The following CFI variants were observed in gnomAD, a reference collection of about 807,000 sequenced individuals.
The protein encoded by CFI is complement factor I, also known as C3B/C4B inactivator.
Under a neutral mutation model 78.8 loss-of-function variants are expected in CFI, and 66 were observed. The ratio of observed to expected loss-of-function variants is 0.84; its 90% CI spans 0.69 to 1.03. CFI has a LOEUF of 1.03. CFI is among the 50% of genes least tolerant of loss of function. The pLI, the probability that CFI is intolerant of heterozygous loss-of-function variation, is 0.00. For missense variants in CFI, 706 were observed against 704.5 expected, an observed-to-expected ratio of 1.00 and a Z score of -0.02; for synonymous variants, 250 against 232.6, an observed-to-expected ratio of 1.07 and a Z score of -0.68.
chr4:109,758,683 A>G (rs570873408), intron 6 of CFI, among the ~76,000 whole-genome samples: 1 of 152,348 alleles, frequency 6.6e-6, no homozygotes, highest in Non-Finnish European at 1.5e-5. Context: ...ATTGTGGGGC[A>G]CTTTGAAATG....
At chr4:109,799,149 C>G (rs1732437644) in intron 1 of CFI, among the ~76,000 whole-genome samples, 2 of 152,280 alleles carry the variant, frequency 1.3e-5, no homozygotes, top group South Asian at 4.1e-4. Flanking sequence ...CACACAGGCA[C>G]TTTTGAATGC....
intron 1 of CFI, among the ~76,000 whole-genome samples, chr4:109,771,842 G>A (rs1165794568): frequency 6.6e-6 from 1 of 151,426 alleles, no homozygotes; most frequent in Non-Finnish European, 1.5e-5. Context: ...TTTTCATTAG[G>A]ATAAAAGGGA....
chr4:109,757,719 T>C (rs1726499802), intron 7 of CFI, 44 bp downstream of exon 7: 1 of 1,255,206 alleles, frequency 8.0e-7, no homozygotes, highest in Non-Finnish European at 1.1e-6. Context: ...ACCTGAGTTT[T>C]GTTTCAATTT....
chr4:109,737,703 G>A (rs1723449242), downstream of CFI, among the ~76,000 whole-genome samples: 2 of 152,222 alleles, frequency 1.3e-5, no homozygotes, highest in African/African-American at 4.8e-5. Context: ...GAGCAGTCCT[G>A]CAGTGTGGTC....
chr4:109,801,534 A>G (rs1732767518), intron 1 of CFI, among the ~76,000 whole-genome samples: 1 of 152,132 alleles, frequency 6.6e-6, no homozygotes, highest in Admixed American at 6.5e-5. Context: ...TCCCCTTTCT[A>G]TAACTATAGA....
chr4:109,797,691 A>G (rs1296469175), intron 1 of CFI, among the ~76,000 whole-genome samples: 1 of 152,224 alleles, frequency 6.6e-6, no homozygotes, highest in Admixed American at 6.5e-5. Context: ...TCTAAAATAC[A>G]TAGGGAATTC....
At chr4:109,774,616 G>C (rs1020659240) in intron 1 of CFI, among the ~76,000 whole-genome samples, 2 of 152,170 alleles carry the variant, frequency 1.3e-5, no homozygotes, top group Non-Finnish European at 1.5e-5. Flanking sequence ...CTACTGTAAA[G>C]ACTGGCTTAT....
chr4:109,756,909 G>T (rs1283735580), intron 7 of CFI, among the ~76,000 whole-genome samples: 1 of 77,146 alleles, frequency 1.3e-5, no homozygotes, highest in African/African-American at 4.9e-5. Context: ...AAGAAAGAAA[G>T]AAAGAAAGAA....
At chr4:109,762,003 A>G (rs1727135485) in intron 3 of CFI, 1 of 331,208 alleles carries the variant, frequency 3.0e-6, no homozygotes, top group Non-Finnish European at 5.8e-6. Flanking sequence ...CAGCCTGGCC[A>G]ATATGGTGAA....
chr4:109,765,603 C>T lies in CFI; in HGVS notation c.329-913G>A, dbSNP rs184950349. Among the ~76,000 whole-genome samples the T allele has an allele frequency of 5.9e-5, 9 of 152,248 alleles. No individual in the cohort carries two copies. The East Asian group carries it at 1.7e-3, about 29-fold the overall frequency. ...AACTCAATTGGACTGACAGCGAAAT[C>T]CCTAATCATAACTACCCACTAGTCT... On this transcript the variant is annotated intron_variant, in intron 2 of 12. Coordinates refer to ENST00000394634, the MANE Select transcript of CFI (RefSeq NM_000204.5).
chr4:109,787,897 CAGAG>C (rs539955109), intron 1 of CFI, among the ~76,000 whole-genome samples: 246 of 151,962 alleles, frequency 1.6e-3, no homozygotes, highest in African/African-American at 5.6e-3. Flanking sequence ...GAATAGGAAA[CAGAG>C]AGAATTGTTC....
chr4:109,746,654 A>T, intron 10 of CFI, 152 bp from the exon 11 acceptor site: 1 of 666,202 alleles, frequency 1.5e-6, no homozygotes, highest in Non-Finnish European at 2.5e-6. Flanking sequence ...ATGAGATTAA[A>T]TTTACTTAGT....
rs1420970059 is a variant in CFI, at chr4:109,761,578, A to G, written c.597T>C (p.Thr199=). The part of the protein sequence containing the change: ...LETSLAECTF[T]KRRTMGYQDF... ...CCTGGTAACCCATAGTTCTTCTCTT[A>G]GTAAAAGTACATTCAGCCAAACTGG... Residue 199 remains threonine, a synonymous_variant, in exon 4 of 13, where the codon ACT becomes ACC. Transcript: ENST00000394634. 4 of 1,614,168 alleles carry G rather than the reference A, an allele frequency of 2.5e-6. No homozygotes were observed. Among genetic ancestry groups the G allele is most frequent in the Admixed American group, 1.7e-5 (1 of 60,030 alleles).
intron 1 of CFI, among the ~76,000 whole-genome samples, chr4:109,769,054 A>T (rs1728231245): frequency 6.6e-6 from 1 of 152,122 alleles, no homozygotes; most frequent in African/African-American, 2.4e-5. Flanking sequence ...TCTCTCCTGT[A>T]TCTTCCACTG....
Position 109,749,507 on chromosome 4 carries a change from C to G in CFI, c.1036G>C (p.Ala346Pro). ...TTTTCATGCGACTTTACCAGTTGTGCTCGCTTTCCTCCCACAATTCGTTTC... is the reference window on the plus strand; with the variant it reads ...TTTTCATGCGACTTTACCAGTTGTGGTCGCTTTCCTCCCACAATTCGTTTC... The part of the protein sequence containing the change: ...RRKRIVGGKR[A>P]QLGDLPWQVA... Residue 346 changes from alanine to proline, a missense_variant, in exon 9 of 13, where the codon GCA becomes CCA. Transcript: ENST00000394634. 1.9e-6 allele frequency: 3 copies of G among 1,611,912 alleles called. No individual in the cohort carries two copies. In the South Asian group the frequency reaches 3.3e-5, roughly 18 times the overall value.
intron 11 of CFI, among the ~76,000 whole-genome samples, chr4:109,744,265 T>C (rs1230353101): frequency 1.3e-5 from 2 of 152,204 alleles, no homozygotes; most frequent in Non-Finnish European, 2.9e-5. Flanking sequence ...TGTTGTGTCC[T>C]TATCTGGTGA....
At chr4:109,792,886 T>C (rs944842348) in intron 1 of CFI, among the ~76,000 whole-genome samples, 2 of 152,218 alleles carry the variant, frequency 1.3e-5, no homozygotes, top group Admixed American at 1.3e-4. Context: ...AGCATATAGT[T>C]GGATAATAAT....
intron 4 of CFI, among the ~76,000 whole-genome samples, chr4:109,760,974 C>A (rs1482032447): frequency 6.6e-6 from 1 of 152,168 alleles, no homozygotes; most frequent in Non-Finnish European, 1.5e-5. Flanking sequence ...CACCCCTACT[C>A]CCAAGACTTG....
At chr4:109,767,374 T>C (rs1404170557) in intron 1 of CFI, among the ~76,000 whole-genome samples, 2 of 151,544 alleles carry the variant, frequency 1.3e-5, no homozygotes, top group African/African-American at 4.8e-5. Flanking sequence ...ATTTTTGCAA[T>C]CTACTCATCT....
Sources: allele counts gnomAD v4.1 joint callset (sites outside exome capture counted in the v4.1 genomes callset), GRCh38; gene constraint gnomAD v4.1.1; transcripts MANE v1.5; gene names NCBI Gene and HGNC (gene_info 2026-07-23, HGNC 2026-07-21).